RNLS: variants seen among roughly 807,000 people sequenced by gnomAD.
RNLS encodes the protein renalase.
In RNLS, 39 loss-of-function variants were observed where a neutral mutation model predicts 39.8. The observed-to-expected ratio is 0.98, with a 90% CI of 0.76 to 1.28. The LOEUF (loss-of-function observed/expected upper bound fraction) is 1.28. Among genes scored for constraint, RNLS ranks in the 50% most tolerant of loss-of-function variants. RNLS has a pLI of 0.00. For missense variants in RNLS, 410 were observed against 413.3 expected, an observed-to-expected ratio of 0.99 and a Z score of 0.07; for synonymous variants, 147 against 150.7, an observed-to-expected ratio of 0.98 and a Z score of 0.18.
chr10:88,441,442 A>T (rs1429517916), intron 4 of RNLS, among the ~76,000 whole-genome samples: 1 of 152,222 alleles, frequency 6.6e-6, no homozygotes, highest in Non-Finnish European at 1.5e-5. Flanking sequence ...GGATAAAACA[A>T]ATTGATACTG....
At chr10:88,242,583 T>C in the RNLS span, among the ~76,000 whole-genome samples, 3 of 152,188 alleles carry the variant, frequency 2.0e-5, no homozygotes, top group Admixed American at 6.5e-5. Flanking sequence ...AACTTAAACT[T>C]TACAACAACC....
the RNLS span, among the ~76,000 whole-genome samples, chr10:88,235,057 C>T: frequency 6.6e-5 from 10 of 151,798 alleles, no homozygotes; most frequent in South Asian, 2.1e-4. Flanking sequence ...GTCAGGAGAT[C>T]GAGACCATCC....
intron 4 of RNLS, among the ~76,000 whole-genome samples, chr10:88,554,023 A>C (rs946707047): frequency 3.2e-4 from 48 of 152,188 alleles, no homozygotes; most frequent in African/African-American, 1.1e-3. Context: ...ATTTACTTTT[A>C]GTTTCCTTTT....
chr10:88,328,302 T>C (rs534812489), intron 5 of RNLS, among the ~76,000 whole-genome samples: 9 of 152,356 alleles, frequency 5.9e-5, no homozygotes, highest in African/African-American at 2.2e-4. Flanking sequence ...ACTTCAGTTA[T>C]TGAAAGAAGT....
the RNLS span, among the ~76,000 whole-genome samples, chr10:88,215,825 G>A: frequency 6.7e-6 from 1 of 150,038 alleles, no homozygotes; most frequent in African/African-American, 2.5e-5. Flanking sequence ...TCAGCCTCCC[G>A]AGTAGCTGGG....
intron 4 of RNLS, among the ~76,000 whole-genome samples, chr10:88,553,627 A>G (rs945772106): frequency 6.6e-6 from 1 of 152,202 alleles, no homozygotes; most frequent in African/African-American, 2.4e-5. Flanking sequence ...AGACCCTACC[A>G]TTAAGATTTT....
chr10:88,480,514 C>T (rs1366436048), intron 4 of RNLS, among the ~76,000 whole-genome samples: 6 of 152,304 alleles, frequency 3.9e-5, no homozygotes, highest in Middle Eastern at 3.4e-3. Flanking sequence ...CTCTGCCTCC[C>T]GGCTTCAAGC....
chr10:88,237,200 T>G, the RNLS span, among the ~76,000 whole-genome samples: 1 of 152,072 alleles, frequency 6.6e-6, no homozygotes, highest in Non-Finnish European at 1.5e-5. Flanking sequence ...GGTCAAATTT[T>G]ATATGTAGAC....
intron 5 of RNLS, among the ~76,000 whole-genome samples, chr10:88,320,236 G>A (rs1342948468): frequency 6.6e-6 from 1 of 150,442 alleles, no homozygotes; most frequent in African/African-American, 2.4e-5. Flanking sequence ...TTTCCCAGAT[G>A]AGCAAATGCT....
At chr10:88,259,931 G>A in the RNLS span, among the ~76,000 whole-genome samples, 4 of 152,146 alleles carry the variant, frequency 2.6e-5, no homozygotes, top group Non-Finnish European at 4.4e-5. Flanking sequence ...TAGTAGAGAC[G>A]GGGTTTCACC....
chr10:88,328,965 A>C (rs1413384882), intron 5 of RNLS, among the ~76,000 whole-genome samples: 1 of 152,096 alleles, frequency 6.6e-6, no homozygotes, highest in African/African-American at 2.4e-5. Flanking sequence ...TGTGAAATAT[A>C]ATTTTTCTTG....
intron 4 of RNLS, among the ~76,000 whole-genome samples, chr10:88,444,228 T>C (rs188295653): frequency 3.8e-4 from 58 of 152,250 alleles, no homozygotes; most frequent in Non-Finnish European, 7.6e-4. Context: ...AGTGGACCTC[T>C]AGCAAATTCC....
chr10:88,382,984 T>C (rs534177914), intron 4 of RNLS, among the ~76,000 whole-genome samples: 6 of 152,256 alleles, frequency 3.9e-5, no homozygotes, highest in South Asian at 2.1e-4. Context: ...CAAATTCATA[T>C]AGCTTTTCAA....
intron 4 of RNLS, among the ~76,000 whole-genome samples, chr10:88,475,005 C>T (rs1843731006): frequency 6.6e-6 from 1 of 152,106 alleles, no homozygotes; most frequent in South Asian, 2.1e-4. Context: ...AGATAGTGGA[C>T]TGCCATGTAT....
the RNLS span, among the ~76,000 whole-genome samples, chr10:88,240,817 T>C: frequency 6.6e-6 from 1 of 152,226 alleles, no homozygotes; most frequent in Admixed American, 6.5e-5. Flanking sequence ...TTCTTCTCCA[T>C]TTTCATACAA....
At chr10:88,301,567 T>C (rs1481473967) in intron 6 of RNLS, among the ~76,000 whole-genome samples, 1 of 152,216 alleles carries the variant, frequency 6.6e-6, no homozygotes, top group Non-Finnish European at 1.5e-5. Context: ...CCAACTGTGT[T>C]AAATTATCAA....
At chr10:88,576,681 C>T (rs1262448237) in intron 3 of RNLS, among the ~76,000 whole-genome samples, 2 of 152,120 alleles carry the variant, frequency 1.3e-5, no homozygotes, top group Non-Finnish European at 2.9e-5. Flanking sequence ...GACAGAACCA[C>T]CCAGACTCAC....
At chr10:88,583,042 T>C (rs1348333170) in intron 1 of RNLS, 31 bp downstream of exon 1, 2 of 1,602,666 alleles carry the variant, frequency 1.2e-6, no homozygotes, top group East Asian at 2.3e-5. Context: ...GCAGTCCTCT[T>C]TTCCCAGGTT....
At chr10:88,562,135 T>C (rs1849229259) in intron 4 of RNLS, among the ~76,000 whole-genome samples, 1 of 152,158 alleles carries the variant, frequency 6.6e-6, no homozygotes, top group Admixed American at 6.5e-5. Flanking sequence ...GCAATACTTA[T>C]TATAACATAC....
Sources: gnomAD v4.1 joint callset for allele counts (sites outside exome capture counted in the v4.1 genomes callset) on GRCh38, gnomAD v4.1.1 for gene constraint, MANE v1.5 for transcripts, NCBI Gene and HGNC (gene_info 2026-07-23, HGNC 2026-07-21) for gene names.